DPP6: variants seen among roughly 807,000 people sequenced by gnomAD.
The protein encoded by DPP6 is A-type potassium channel modulatory protein DPP6.
DPP6 carries 69 observed loss-of-function variants against 122.6 expected under a neutral mutation model. The ratio of observed to expected loss-of-function variants is 0.56; its 90% CI spans 0.46 to 0.69. The LOEUF (loss-of-function observed/expected upper bound fraction) is 0.69. Ranked by LOEUF, DPP6 falls within the 30% of genes least tolerant of loss-of-function variation. The pLI is 0.00. For synonymous variants in DPP6, 418 were observed against 433.1 expected (o/e 0.97, Z 0.43); for missense variants, 928 against 1,116.9 (o/e 0.83, Z 2.41).
chr7:154,657,871 C>G (rs1040112099), intron 6 of DPP6, among the ~76,000 whole-genome samples: 1 of 152,160 alleles, frequency 6.6e-6, no homozygotes, highest in African/African-American at 2.4e-5. Flanking sequence ...GCATAAAAGT[C>G]TCTCCTCCAT....
At chr7:154,401,205 C>A (rs286832) in intron 1 of DPP6, among the ~76,000 whole-genome samples, 42,083 of 140,378 alleles carry the variant, frequency 0.3, 7,150 homozygotes, top group African/African-American at 0.53. Flanking sequence ...TCAGAAAAAA[C>A]AAAAACAAAA....
At chr7:154,846,865 C>T (rs1584880234) in intron 16 of DPP6, among the ~76,000 whole-genome samples, 1 of 152,148 alleles carries the variant, frequency 6.6e-6, no homozygotes, top group Non-Finnish European at 1.5e-5. Context: ...TAGATGTTTT[C>T]GCTTAACCTT....
chr7:154,081,101 G>A (rs1350022406), intron 1 of DPP6, among the ~76,000 whole-genome samples: 1 of 151,990 alleles, frequency 6.6e-6, no homozygotes. Context: ...CAAGGGAAGA[G>A]GGTGTTGATG....
chr7:154,515,776 T>C (rs181136984), intron 3 of DPP6, among the ~76,000 whole-genome samples: 88 of 152,180 alleles, frequency 5.8e-4, no homozygotes, highest in Admixed American at 1.6e-3. Context: ...GCCTGGCCTG[T>C]TTCTTTATGA....
At chr7:153,911,281 G>A (rs916510189) in intron 1 of DPP6, among the ~76,000 whole-genome samples, 3 of 152,116 alleles carry the variant, frequency 2.0e-5, no homozygotes, top group Admixed American at 6.5e-5. Context: ...TGCTCAAATC[G>A]TTGTCCACAC....
chr7:154,810,069 T>A (rs2150472458), intron 16 of DPP6, among the ~76,000 whole-genome samples: 1 of 152,382 alleles, frequency 6.6e-6, no homozygotes, highest in Non-Finnish European at 1.5e-5. Flanking sequence ...TTGGCCAGGC[T>A]GGTCTCACAC....
the DPP6 span, among the ~76,000 whole-genome samples, chr7:153,756,336 C>T: frequency 1.6e-4 from 24 of 151,348 alleles, no homozygotes; most frequent in Admixed American, 1.6e-3. Flanking sequence ...TCATTTAGTC[C>T]TCTCATTTCA....
intron 1 of DPP6, among the ~76,000 whole-genome samples, chr7:154,207,447 A>G (rs1799508787): frequency 6.6e-6 from 1 of 152,236 alleles, no homozygotes. Context: ...GTGCACCTAA[A>G]TCAGACCAGT....
chr7:154,750,884 G>C (rs903272678), intron 8 of DPP6, among the ~76,000 whole-genome samples: 8 of 152,166 alleles, frequency 5.3e-5, no homozygotes, highest in Non-Finnish European at 1.2e-4. Flanking sequence ...GGAGAAGGAC[G>C]GCTCAGGTGA....
intron 1 of DPP6, among the ~76,000 whole-genome samples, chr7:154,218,579 T>A (rs2150823695): frequency 6.6e-6 from 1 of 152,332 alleles, no homozygotes; most frequent in Non-Finnish European, 1.5e-5. Context: ...TATGATCACA[T>A]TATATGGGTA....
the DPP6 span, among the ~76,000 whole-genome samples, chr7:153,817,076 C>A: frequency 1.3e-5 from 2 of 149,926 alleles, no homozygotes; most frequent in Non-Finnish European, 3.0e-5. Flanking sequence ...GCGTGGAAAA[C>A]CAATCCCTGA....
intron 1 of DPP6, among the ~76,000 whole-genome samples, chr7:153,928,396 A>ATGTTTTTTTTT (rs1275067491): frequency 2.3e-5 from 1 of 43,672 alleles, no homozygotes; most frequent in Non-Finnish European, 4.4e-5. Context: ...CTTTTCTTTC[A>ATGTTTTTTTTT]TTTTTTTTTT....
At chr7:154,578,590 T>G (rs1452016718) in intron 5 of DPP6, among the ~76,000 whole-genome samples, 1 of 152,148 alleles carries the variant, frequency 6.6e-6, no homozygotes, top group Non-Finnish European at 1.5e-5. Context: ...AACCACAGTT[T>G]TGGAATCTGT....
chr7:154,592,517 C>T (rs1410389491), intron 5 of DPP6, among the ~76,000 whole-genome samples: 3 of 152,262 alleles, frequency 2.0e-5, no homozygotes, highest in East Asian at 1.9e-4. Flanking sequence ...CTGGAAAGAC[C>T]GTGCATAAAT....
chr7:154,472,376 T>A (rs1213829480), intron 2 of DPP6, among the ~76,000 whole-genome samples: 1 of 152,230 alleles, frequency 6.6e-6, no homozygotes, highest in Admixed American at 6.5e-5. Flanking sequence ...CTTTCTGCCC[T>A]TATGAGCCTT....
intron 2 of DPP6, among the ~76,000 whole-genome samples, chr7:154,463,550 C>T (rs2151322746): frequency 6.6e-6 from 1 of 152,190 alleles, no homozygotes; most frequent in East Asian, 1.9e-4. Flanking sequence ...CCCTGTAGCC[C>T]CACAGCTGGG....
At chr7:154,502,603 G>T (rs997740185) in intron 3 of DPP6, among the ~76,000 whole-genome samples, 7 of 152,098 alleles carry the variant, frequency 4.6e-5, no homozygotes, top group Admixed American at 2.0e-4. Flanking sequence ...TGACTGTGAG[G>T]CCTCCCCAGC....
rs147116397 is a variant in DPP6, at chr7:153,949,240, A to G, written c.51+61506A>G. ...AGCCACAGAGATTCACTGTAAGAGC[A>G]CTGGATCCTTTACTCTGAGAAGGAG... On this transcript the variant is annotated intron_variant, in intron 1 of 25. Coordinates refer to the DPP6 transcript ENST00000404039. 2.5e-3 allele frequency among the ~76,000 whole-genome samples: 383 copies of G among 152,326 alleles called. 4 individuals are homozygous for G. Among genetic ancestry groups the G allele is most frequent in the African/African-American group, 9.0e-3 (374 of 41,570 alleles).
At chr7:153,829,553 G>A in the DPP6 span, among the ~76,000 whole-genome samples, 1 of 151,970 alleles carries the variant, frequency 6.6e-6, no homozygotes, top group African/African-American at 2.4e-5. Context: ...CCTGATATTT[G>A]GCACTTTAAG....
Sources: allele counts gnomAD v4.1 joint callset (sites outside exome capture counted in the v4.1 genomes callset), GRCh38; gene constraint gnomAD v4.1.1; transcripts MANE v1.5; gene names NCBI Gene and HGNC (gene_info 2026-07-23, HGNC 2026-07-21).